PTPRD: variants seen among roughly 807,000 people sequenced by gnomAD.
PTPRD encodes receptor-type tyrosine-protein phosphatase delta.
Under a neutral mutation model 214.5 loss-of-function variants are expected in PTPRD, and 34 were observed. The observed-to-expected ratio is 0.16, with a 90% CI of 0.12 to 0.21. The LOEUF (loss-of-function observed/expected upper bound fraction) is 0.21, where lower values mean the gene tolerates loss of function less well. Among genes scored for constraint, PTPRD ranks in the 10% least tolerant of loss-of-function variants. The pLI is 1.00. For synonymous variants in PTPRD, 1,128 were observed against 845.7 expected (o/e 1.33, Z -5.79); for missense variants, 2,545 against 2,398.7 (o/e 1.06, Z -1.27).
intron 33 of PTPRD, among the ~76,000 whole-genome samples, chr9:8,455,661 T>C (rs1180399257): frequency 6.6e-6 from 1 of 152,124 alleles, no homozygotes; most frequent in Non-Finnish European, 1.5e-5. Flanking sequence ...ACAAAGTAAA[T>C]GATGAAAATG....
At chr9:10,579,189 G>C (rs888814144) in intron 2 of PTPRD, among the ~76,000 whole-genome samples, 1 of 152,084 alleles carries the variant, frequency 6.6e-6, no homozygotes, top group African/African-American at 2.4e-5. Flanking sequence ...GATGAAGCTG[G>C]AAGCCATCAT....
chr9:10,111,474 G>A (rs981804371), intron 3 of PTPRD, among the ~76,000 whole-genome samples: 64 of 150,968 alleles, frequency 4.2e-4, no homozygotes, highest in African/African-American at 1.5e-3. Flanking sequence ...TCCTGACCTC[G>A]TGATCCGCCC....
At chr9:9,553,337 T>C (rs923566826) in intron 8 of PTPRD, among the ~76,000 whole-genome samples, 5 of 152,074 alleles carry the variant, frequency 3.3e-5, no homozygotes. Flanking sequence ...ATAATATTCA[T>C]TGCCAACACT....
At chr9:10,603,481 C>G (rs1316857723) in intron 2 of PTPRD, among the ~76,000 whole-genome samples, 1 of 151,856 alleles carries the variant, frequency 6.6e-6, no homozygotes, top group African/African-American at 2.4e-5. Flanking sequence ...TTTTCATGTA[C>G]AGAATCTAGA....
Position 8,314,289 on chromosome 9 carries a change from G to A in PTPRD, c.*3585C>T. 1 of 220,206 alleles carries A rather than the reference G, an allele frequency of 4.5e-6. No homozygotes were observed. The highest frequency in any genetic ancestry group is 6.6e-5 in the East Asian group (1 of 15,086). 13.6% of individuals were successfully genotyped at this position (220,206 alleles called of 1,614,324 possible). ...TTATTAGAATTCATTTGTAACAAAT[G>A]GAACTTGTGTCAGCAAAGAACTGAT... On this transcript the variant is annotated 3_prime_UTR_variant, in exon 46 of 46. Coordinates refer to ENST00000381196, the MANE Select transcript of PTPRD (RefSeq NM_002839.4).
At chr9:9,195,712 A>G (rs1333878772) in intron 9 of PTPRD, among the ~76,000 whole-genome samples, 1 of 124,408 alleles carries the variant, frequency 8.0e-6, no homozygotes, top group East Asian at 4.6e-4. Context: ...AACATTTTTA[A>G]ATGCAAAAAA....
intron 8 of PTPRD, among the ~76,000 whole-genome samples, chr9:9,400,574 C>T (rs918952433): frequency 6.6e-6 from 1 of 151,994 alleles, no homozygotes; most frequent in African/African-American, 2.4e-5. Context: ...TTTCCAACCA[C>T]ATCTCCCCAC....
intron 5 of PTPRD, among the ~76,000 whole-genome samples, chr9:9,788,321 G>T (rs1251225986): frequency 1.3e-5 from 2 of 151,272 alleles, no homozygotes; most frequent in Non-Finnish European, 2.9e-5. Flanking sequence ...GGAGGCCGAG[G>T]TGGGTGGATC....
chr9:9,074,622 A>C (rs182720), intron 10 of PTPRD, among the ~76,000 whole-genome samples: 1 of 151,776 alleles, frequency 6.6e-6, no homozygotes, highest in African/African-American at 2.4e-5. Context: ...CAGTGATGTT[A>C]AGCACCTTTC....
At chr9:9,462,008 T>C (rs565560903) in intron 8 of PTPRD, among the ~76,000 whole-genome samples, 2 of 152,288 alleles carry the variant, frequency 1.3e-5, no homozygotes, top group Non-Finnish European at 1.5e-5. Flanking sequence ...ATTATAGTAG[T>C]TGCCATAACT....
At chr9:9,140,915 T>C (rs1592295355) in intron 10 of PTPRD, among the ~76,000 whole-genome samples, 1 of 152,160 alleles carries the variant, frequency 6.6e-6, no homozygotes, top group Non-Finnish European at 1.5e-5. Flanking sequence ...CATTTCTTTT[T>C]CTTCCTGGGA....
chr9:9,478,168 G>A (rs1408746444), intron 8 of PTPRD, among the ~76,000 whole-genome samples: 1 of 152,080 alleles, frequency 6.6e-6, no homozygotes, highest in African/African-American at 2.4e-5. Context: ...AAACTGCCCT[G>A]TTAATAACTT....
At chr9:9,677,980 G>C (rs1458271101) in intron 7 of PTPRD, among the ~76,000 whole-genome samples, 10 of 152,058 alleles carry the variant, frequency 6.6e-5, no homozygotes, top group Non-Finnish European at 5.9e-5. Flanking sequence ...TTGCTTCAAA[G>C]AGAATAAAAT....
rs1269381621 is a variant in PTPRD, at chr9:8,338,973, C to T, written c.5328G>A (p.Glu1776=). 6.2e-7 allele frequency: 1 copy of T among 1,612,310 alleles called. No individual in the cohort carries two copies. ...YQYFVVDPMA[E]YNMPQYILRE... is the part of the protein sequence containing the mutation. ...TTAGGATATACTGTGGCATGTTGTA[C>T]TCAGCCATGGGATCTACAACAAAGT... The change falls in exon 43 of 46, where the codon GAG becomes GAA. Residue 1776 remains glutamate (E), a synonymous_variant. Coordinates refer to ENST00000381196, the MANE Select transcript of PTPRD (RefSeq NM_002839.4).
chr9:9,383,818 T>C (rs2063033756), intron 9 of PTPRD, among the ~76,000 whole-genome samples: 1 of 152,046 alleles, frequency 6.6e-6, no homozygotes, highest in Admixed American at 6.6e-5. Context: ...CAGCTCACAA[T>C]GGGGACTCAG....
At chr9:8,714,040 G>C (rs1478984735) in intron 12 of PTPRD, among the ~76,000 whole-genome samples, 1 of 152,158 alleles carries the variant, frequency 6.6e-6, no homozygotes, top group Non-Finnish European at 1.5e-5. Context: ...AGAGTATCCT[G>C]GCAAGAAATT....
chr9:9,139,810 G>T (rs945610199), intron 10 of PTPRD, among the ~76,000 whole-genome samples: 2 of 152,132 alleles, frequency 1.3e-5, no homozygotes, highest in African/African-American at 4.8e-5. Context: ...CCACTGTACC[G>T]GCAACAGTGG....
chr9:9,621,519 G>A (rs1474241712), intron 7 of PTPRD, among the ~76,000 whole-genome samples: 1 of 152,208 alleles, frequency 6.6e-6, no homozygotes, highest in African/African-American at 2.4e-5. Context: ...TTTAAGCGAT[G>A]AGGCTGCCTT....
At chr9:10,491,022 A>T (rs2040028212) in intron 2 of PTPRD, among the ~76,000 whole-genome samples, 1 of 152,176 alleles carries the variant, frequency 6.6e-6, no homozygotes, top group Admixed American at 6.6e-5. Context: ...TTTGCTTTGC[A>T]AAAATTTGGT....
Sources: gnomAD v4.1 joint callset for allele counts (sites outside exome capture counted in the v4.1 genomes callset) on GRCh38, gnomAD v4.1.1 for gene constraint, MANE v1.5 for transcripts, NCBI Gene and HGNC (gene_info 2026-07-23, HGNC 2026-07-21) for gene names.